Variants in CSMD1 observed in about 807,000 individuals in gnomAD.
CSMD1 encodes the protein CUB and Sushi multiple domains 1.
Under a neutral mutation model 417.5 loss-of-function variants are expected in CSMD1, and 213 were observed. The observed-to-expected ratio is 0.51, with a 90% CI of 0.46 to 0.57. CSMD1 has a LOEUF of 0.57. CSMD1 is among the 20% of genes least tolerant of loss of function. The pLI is 0.00. For missense variants in CSMD1, 6,923 were observed against 4,529.7 expected (o/e 1.53, Z -15.17); for synonymous variants, 2,862 against 1,736.8 (o/e 1.65, Z -16.11).
Position 3,307,798 on chromosome 8 carries a change from C to T in CSMD1, c.3847G>A (p.Ala1283Thr). The change falls in exon 25 of 70, where the codon GCA becomes ACA. Residue 1283 changes from alanine (A) to threonine (T), a missense_variant. By Grantham distance (58) the Ala-to-Thr change is moderately conservative. Transcript: ENST00000635120. ...CIAECGGQIH[A>T]ATSGRILSPG... ...GACAATATTCGTCCTGATGTGGCTG[C>T]ATGGATCTGACCACCACATTCCGCT... 6.2e-7 allele frequency: 1 copy of T among 1,613,490 alleles called. No individual in the cohort carries two copies. Among genetic ancestry groups the T allele is most frequent in the Non-Finnish European group, 8.5e-7 (1 of 1,179,570 alleles).
intron 2 of CSMD1, among the ~76,000 whole-genome samples, chr8:4,430,963 G>A (rs1410212402): frequency 2.0e-5 from 3 of 152,112 alleles, no homozygotes; most frequent in Non-Finnish European, 2.9e-5. Context: ...ATATCAAGAT[G>A]TCCTTTCAAT....
At chr8:3,636,432 C>T (rs1355069922) in intron 7 of CSMD1, among the ~76,000 whole-genome samples, 2 of 152,174 alleles carry the variant, frequency 1.3e-5, no homozygotes, top group Non-Finnish European at 2.9e-5. Context: ...CCCGCCTCAG[C>T]CTCCCACAGT....
At chr8:4,581,530 A>G (rs993821749) in intron 2 of CSMD1, among the ~76,000 whole-genome samples, 1 of 152,242 alleles carries the variant, frequency 6.6e-6, no homozygotes, top group African/African-American at 2.4e-5. Flanking sequence ...TATTTTAAAT[A>G]CATAACAGAT....
At chr8:3,368,607 G>A (rs1198488521) in intron 19 of CSMD1, among the ~76,000 whole-genome samples, 1 of 152,110 alleles carries the variant, frequency 6.6e-6, no homozygotes, top group African/African-American at 2.4e-5. Context: ...CCGAACTGCT[G>A]GGATTACAAG....
At position 3,987,572 on chromosome 8, in the gene CSMD1, C is replaced by T. The variant is rs78196757; in HGVS notation, c.818+10331G>A. Among the ~76,000 whole-genome samples the T allele has an allele frequency of 4.0e-3, 605 of 152,246 alleles. 7 individuals are homozygous for T. The highest frequency in any genetic ancestry group is 0.014 in the African/African-American group (586 of 41,550). ...GTGCAGCTACGAAGGGGAGGAACACCATTTTTAATTCCTCGTTCTTCTCAC... is the reference window on the plus strand; with the variant it reads ...GTGCAGCTACGAAGGGGAGGAACACTATTTTTAATTCCTCGTTCTTCTCAC... On this transcript the variant is annotated intron_variant, in intron 5 of 69. Transcript: ENST00000635120.
At chr8:4,106,860 C>T (rs1189410226) in intron 3 of CSMD1, among the ~76,000 whole-genome samples, 1 of 152,062 alleles carries the variant, frequency 6.6e-6, no homozygotes, top group South Asian at 2.1e-4. Context: ...AAAAACTGCC[C>T]CGCATTTCTT....
At chr8:3,056,050 T>C (rs1812198089) in intron 49 of CSMD1, among the ~76,000 whole-genome samples, 1 of 152,240 alleles carries the variant, frequency 6.6e-6, no homozygotes, top group African/African-American at 2.4e-5. Context: ...GCAGAATATG[T>C]TTTGTATTAC....
intron 1 of CSMD1, among the ~76,000 whole-genome samples, chr8:4,828,908 T>A (rs116008539): frequency 6.6e-6 from 1 of 152,318 alleles, no homozygotes; most frequent in African/African-American, 2.4e-5. Flanking sequence ...CAGTACTTAA[T>A]GTGTTCATAA....
At chr8:4,594,381 G>C (rs1241538014) in intron 2 of CSMD1, among the ~76,000 whole-genome samples, 1 of 151,482 alleles carries the variant, frequency 6.6e-6, no homozygotes. Flanking sequence ...TGTATTATTA[G>C]TAGAGACAGG....
At chr8:3,984,706 TATA>T (rs1406521222) in intron 5 of CSMD1, among the ~76,000 whole-genome samples, 107 of 47,268 alleles carry the variant, frequency 2.3e-3, no homozygotes, top group South Asian at 3.3e-3. Flanking sequence ...GTATATATCA[TATA>T]TATATATATA....
chr8:4,608,709 G>T (rs1801009877), intron 2 of CSMD1, among the ~76,000 whole-genome samples: 1 of 152,148 alleles, frequency 6.6e-6, no homozygotes, highest in African/African-American at 2.4e-5. Context: ...TATCCTTCAG[G>T]CATTTCAGAA....
At chr8:3,862,693 G>A (rs373552623) in intron 5 of CSMD1, among the ~76,000 whole-genome samples, 42 of 152,168 alleles carry the variant, frequency 2.8e-4, no homozygotes, top group African/African-American at 9.9e-4. Context: ...TTCTATATAG[G>A]AATTCAAATG....
At chr8:4,368,206 G>A (rs1231473775) in intron 3 of CSMD1, among the ~76,000 whole-genome samples, 1 of 152,110 alleles carries the variant, frequency 6.6e-6, no homozygotes, top group Non-Finnish European at 1.5e-5. Context: ...ACATGAATGT[G>A]TGCTGAATTT....
intron 6 of CSMD1, among the ~76,000 whole-genome samples, chr8:3,737,605 C>G (rs1391340690): frequency 6.6e-6 from 1 of 152,170 alleles, no homozygotes; most frequent in East Asian, 1.9e-4. Context: ...CAAGAGAGAT[C>G]ACCCTCTCAG....
chr8:3,792,278 G>C (rs1799794140), intron 5 of CSMD1, among the ~76,000 whole-genome samples: 1 of 152,054 alleles, frequency 6.6e-6, no homozygotes, highest in Non-Finnish European at 1.5e-5. Flanking sequence ...GGGTGACAGA[G>C]AGAGACCTGG....
chr8:4,742,876 T>A (rs554605455), intron 1 of CSMD1, among the ~76,000 whole-genome samples: 1 of 152,280 alleles, frequency 6.6e-6, no homozygotes, highest in Non-Finnish European at 1.5e-5. Flanking sequence ...GGTCTGTTTA[T>A]AAGAGACATG....
chr8:3,871,655 C>T (rs887229042), intron 5 of CSMD1, among the ~76,000 whole-genome samples: 5 of 152,122 alleles, frequency 3.3e-5, no homozygotes, highest in African/African-American at 9.7e-5. Flanking sequence ...TTAGTCTCAA[C>T]CTTTAATCTT....
intron 50 of CSMD1, among the ~76,000 whole-genome samples, 171 bp downstream of exon 50, chr8:3,052,291 T>C (rs903664687): frequency 3.9e-5 from 6 of 152,186 alleles, no homozygotes; most frequent in Admixed American, 6.5e-5. Flanking sequence ...TCTAAATGGC[T>C]GAAAATATTT....
chr8:3,260,649 C>A (rs1385845273), intron 26 of CSMD1, among the ~76,000 whole-genome samples: 1 of 151,250 alleles, frequency 6.6e-6, no homozygotes, highest in Non-Finnish European at 1.5e-5. Flanking sequence ...TTTTGACAAT[C>A]CCTTTCTTTA....
Sources: gnomAD v4.1 joint callset for allele counts (sites outside exome capture counted in the v4.1 genomes callset) on GRCh38, gnomAD v4.1.1 for gene constraint, MANE v1.5 for transcripts, NCBI Gene and HGNC (gene_info 2026-07-23, HGNC 2026-07-21) for gene names.